Variants in APOB observed in about 807,000 individuals in gnomAD.
APOB encodes apolipoprotein B-100.
APOB carries 153 observed loss-of-function variants against 314.1 expected under a neutral mutation model. The ratio of observed to expected loss-of-function variants is 0.49; its 90% CI spans 0.43 to 0.56. The LOEUF is 0.56. Ranked by LOEUF, APOB falls within the 20% of genes least tolerant of loss-of-function variation. APOB has a pLI of 0.00. For missense variants in APOB, 5,430 were observed against 5,350.7 expected (o/e 1.01, Z -0.46); for synonymous variants, 2,087 against 2,036.4 (o/e 1.02, Z -0.67).
At chr2:21,020,529 G>A (rs139313355) in intron 18 of APOB, among the ~76,000 whole-genome samples, 391 of 152,262 alleles carry the variant, frequency 2.6e-3, no homozygotes, top group African/African-American at 9.0e-3. Flanking sequence ...GCATATTTAG[G>A]TTTCATCTTC....
chr2:21,020,772 G>A (rs1288739866), intron 18 of APOB, among the ~76,000 whole-genome samples: 1 of 152,214 alleles, frequency 6.6e-6, no homozygotes, highest in Non-Finnish European at 1.5e-5. Context: ...ACAAGACCAA[G>A]CTTTGCTGAT....
rs755500550 is a variant in APOB at position 21,002,306 on chromosome 2, T to C, written c.13116A>G (p.Gln4372=). ...FIQNELQEAS[Q]ELQQIHQYIM... ...TGTATTGATGGATCTGCTGTAACTC[T>C]TGAGAAGCTTCCTGAAGCTCGTTTT... Residue 4372 remains glutamine (Q), a synonymous_variant, in exon 29 of 29, where the codon CAA becomes CAG. Transcript: ENST00000233242. 6 of 1,613,606 alleles carry C rather than the reference T, an allele frequency of 3.7e-6. No homozygotes were observed. The highest frequency in any genetic ancestry group is 5.1e-6 in the Non-Finnish European group (6 of 1,179,874).
chr2:21,021,930 T>G (rs980858681), intron 18 of APOB, among the ~76,000 whole-genome samples: 1 of 152,192 alleles, frequency 6.6e-6, no homozygotes, highest in Non-Finnish European at 1.5e-5. Context: ...TCAACATACG[T>G]GGTATATATT....
rs532531549 is a variant in APOB, at chr2:21,009,513, C to G, written c.7355G>C (p.Gly2452Ala). Residue 2452 changes from glycine (G) to alanine (A), a missense_variant, in exon 26 of 29, where the codon GGT becomes GCT. Physicochemically the swap from Gly to Ala is moderately conservative, Grantham distance 60 (BLOSUM62 0). Transcript: ENST00000233242. ...KIREVTQRLNGEIQALELPQK... is the reference protein window; with the variant it reads ...KIREVTQRLNAEIQALELPQK... Reference sequence around the variant, plus strand: ...TGGTAGTTCCAGAGCCTGAATTTCACCATTGAGTCTCTGAGTCACCTCACG... The same window carrying G: ...TGGTAGTTCCAGAGCCTGAATTTCAGCATTGAGTCTCTGAGTCACCTCACG... 1.7e-5 allele frequency: 28 copies of G among 1,614,082 alleles called. No homozygotes were observed. In the South Asian group the frequency reaches 2.9e-4, roughly 16 times the overall value.
intron 10 of APOB, among the ~76,000 whole-genome samples, chr2:21,030,537 C>G (rs1663847218): frequency 6.6e-6 from 1 of 152,056 alleles, no homozygotes; most frequent in African/African-American, 2.4e-5. Flanking sequence ...TGGACATTGG[C>G]CTAGACAAAG....
At chr2:21,035,455 G>A (rs550833279) in intron 7 of APOB, 129 bp downstream of exon 7, 20 of 1,226,776 alleles carry the variant, frequency 1.6e-5, no homozygotes, top group Non-Finnish European at 2.4e-5. Flanking sequence ...GGGACAGGGA[G>A]GGGCGGCATT....
At chr2:21,037,842 C>T in intron 5 of APOB, 116 bp downstream of exon 5, 2 of 1,333,066 alleles carry the variant, frequency 1.5e-6, no homozygotes, top group South Asian at 1.2e-5. Context: ...CCAGGGCTTC[C>T]TATGTAACTA....
chr2:21,012,230 G>A lies in APOB; in HGVS notation c.4638C>T (p.Ser1546=), dbSNP rs2103359558. The change falls in exon 26 of 29, where the codon TCC becomes TCT. Residue 1546 remains serine, a synonymous_variant. Coordinates refer to ENST00000233242, the MANE Select transcript of APOB (RefSeq NM_000384.3). ...RYEDGTLSLT[S]TSDLQSGIIK... is the part of the protein sequence containing the mutation. ...TGATGCCACTTTGCAGATCAGAGGT[G>A]GAGGTGAGGGAGAGGGTTCCATCTT... The A allele has an allele frequency of 6.2e-7, 1 of 1,610,170 alleles. No homozygotes were observed. Among genetic ancestry groups the A allele is most frequent in the Non-Finnish European group, 8.5e-7 (1 of 1,177,094 alleles).
intron 18 of APOB, among the ~76,000 whole-genome samples, chr2:21,020,854 G>C (rs1663588851): frequency 6.6e-6 from 1 of 152,200 alleles, no homozygotes. Context: ...TTTGGCTTCT[G>C]TGACCTTTTA....
chr2:21,005,270 G>C lies in APOB; in HGVS notation c.11598C>G (p.Ser3866=). 1.2e-6 allele frequency: 2 copies of C among 1,614,060 alleles called. No homozygotes were observed. Among genetic ancestry groups the C allele is most frequent in the Non-Finnish European group, 1.7e-6 (2 of 1,179,960 alleles). Residue 3866 remains serine (S), a synonymous_variant, in exon 26 of 29, where the codon TCC becomes TCG. Transcript: ENST00000233242. ...TTCCAGCAGGTACAGAGAACTTAATGGAGGGAATCTCAATGGTCTGCTCAG... is the reference window on the plus strand; with the variant it reads ...TTCCAGCAGGTACAGAGAACTTAATCGAGGGAATCTCAATGGTCTGCTCAG... ...IVPEQTIEIP[S]IKFSVPAGIV...
At chr2:21,040,206 C>T (rs1026426233) in intron 4 of APOB, among the ~76,000 whole-genome samples, 1 of 152,198 alleles carries the variant, frequency 6.6e-6, no homozygotes, top group African/African-American at 2.4e-5. Context: ...GATTGTGAGA[C>T]CTCCCCAGCC....
chr2:21,038,397 C>T (rs1054033609), intron 4 of APOB, among the ~76,000 whole-genome samples: 5 of 151,664 alleles, frequency 3.3e-5, no homozygotes, highest in African/African-American at 4.9e-5. Context: ...AGTGCAATGG[C>T]GCAACCTCAG....
chr2:21,037,393 G>A (rs565067097), intron 5 of APOB, 138 bp from the exon 6 acceptor site: 6 of 985,346 alleles, frequency 6.1e-6, no homozygotes, highest in East Asian at 5.2e-5. Context: ...TTCTTCCTAT[G>A]CAGAGTGTGG....
In APOB at chr2:21,031,495, G is replaced by T. The variant is rs373110668; in HGVS notation, c.1352+859C>A. ...TGGATGGTGAGAAATTACTTAGTGG[G>T]TACACTATATGTTGTCTGGGTGATG... is the stretch of plus-strand genomic sequence containing the variant. On this transcript the variant is annotated intron_variant, in intron 10 of 28. Coordinates refer to ENST00000233242, the MANE Select transcript of APOB (RefSeq NM_000384.3). 1.4e-4 allele frequency among the ~76,000 whole-genome samples: 21 copies of T among 152,150 alleles called. No homozygotes were observed. In the East Asian group the frequency reaches 3.5e-3, roughly 25 times the overall value.
intron 3 of APOB, 74 bp downstream of exon 3, chr2:21,042,286 GT>G: frequency 8.8e-7 from 1 of 1,132,774 alleles, no homozygotes; most frequent in South Asian, 1.2e-5. Flanking sequence ...GGAAGGTCGC[GT>G]GTTGGGCGCC....
At position 21,014,462 on chromosome 2, in the gene APOB, G is replaced by GT; in HGVS notation, c.3827dup (p.Asn1276LysfsTer22). On this transcript the variant is annotated frameshift_variant, in exon 24 of 29. Coordinates refer to ENST00000233242, the MANE Select transcript of APOB (RefSeq NM_000384.3). LOFTEE classifies it high-confidence loss of function. ...TCTTCTTTTACCTTTTTAAGAAGAG[G>GT]TTTTCTGGGATGTGGAAGTCTGGCA... The GT allele has an allele frequency of 6.2e-7, 1 of 1,614,068 alleles. No homozygotes were observed. The highest frequency in any genetic ancestry group is 8.5e-7 in the Non-Finnish European group (1 of 1,179,986).
chr2:21,041,167 C>A (rs1558577333), intron 3 of APOB, 84 bp from the exon 4 acceptor site: 4 of 1,431,258 alleles, frequency 2.8e-6, no homozygotes, highest in African/African-American at 2.8e-5. Context: ...AATCTCTAAT[C>A]AGAGCACCAA....
At chr2:21,017,209 T>C (rs1663500937) in intron 20 of APOB, among the ~76,000 whole-genome samples, 1 of 152,094 alleles carries the variant, frequency 6.6e-6, no homozygotes, top group Non-Finnish European at 1.5e-5. Flanking sequence ...GTTGTGTTCA[T>C]GTATGCAAGT....
Position 21,016,421 on chromosome 2 carries a change from A to AC in APOB, c.3332+17dup. ...CCAGGCCTGCAGTGCAGGTCAGATG[A>AC]CCCTCGGCCTTCTTTACCTTAGGTG... On this transcript the variant is annotated intron_variant, in intron 21 of 28. Transcript: ENST00000233242. 2.1e-6 allele frequency: 3 copies of AC among 1,407,426 alleles called. No individual in the cohort carries two copies. The highest frequency in any genetic ancestry group is 2.0e-6 in the Non-Finnish European group (2 of 992,088). The allele number at this position is 1,407,426 out of a possible 1,614,324, so 87.2% of individuals were successfully genotyped here.
Sources: gnomAD v4.1 joint callset for allele counts (sites outside exome capture counted in the v4.1 genomes callset) on GRCh38, gnomAD v4.1.1 for gene constraint, MANE v1.5 for transcripts, NCBI Gene and HGNC (gene_info 2026-07-23, HGNC 2026-07-21) for gene names.